MSANTD2: variants seen among roughly 807,000 people sequenced by gnomAD.
MSANTD2 encodes the protein Myb/SANT DNA binding domain containing 2.
A neutral mutation model predicts 52.6 loss-of-function variants in MSANTD2; 19 were observed. The ratio of observed to expected loss-of-function variants is 0.36; its 90% CI spans 0.25 to 0.53. The LOEUF (loss-of-function observed/expected upper bound fraction) is 0.53, where lower values mean the gene tolerates loss of function less well. Ranked by LOEUF, MSANTD2 falls within the 20% of genes least tolerant of loss-of-function variation. The pLI, the probability that MSANTD2 is intolerant of heterozygous loss-of-function variation, is 0.91. For missense variants in MSANTD2, 558 were observed against 716.3 expected (o/e 0.78, Z 2.52); for synonymous variants, 291 against 289.7 (o/e 1.00, Z -0.04).
At chr11:124,773,864 A>C (rs1264680055) in intron 2 of MSANTD2, among the ~76,000 whole-genome samples, 1 of 152,216 alleles carries the variant, frequency 6.6e-6, no homozygotes, top group Non-Finnish European at 1.5e-5. Flanking sequence ...AAGGGCTGGG[A>C]GCAAGAATAT....
intron 3 of MSANTD2, among the ~76,000 whole-genome samples, chr11:124,771,637 A>G (rs1944525716): frequency 6.6e-6 from 1 of 152,302 alleles, no homozygotes; most frequent in South Asian, 2.1e-4. Flanking sequence ...AGGCATGGTG[A>G]CGCGCCTGTA....
chr11:124,776,853 A>G (rs1247075702), intron 1 of MSANTD2, among the ~76,000 whole-genome samples: 3 of 152,220 alleles, frequency 2.0e-5, no homozygotes, highest in Admixed American at 1.3e-4. Flanking sequence ...GCCTCAAATG[A>G]TGCCTTAGAG....
chr11:124,784,482 ACCC>A (rs10547948), intron 1 of MSANTD2: 45 of 975,446 alleles, frequency 4.6e-5, no homozygotes, highest in South Asian at 3.3e-4. Context: ...TAAAAATTAA[ACCC>A]CCCCCCCGCC....
At chr11:124,782,223 G>A (rs1020976446) in intron 1 of MSANTD2, among the ~76,000 whole-genome samples, 1 of 152,008 alleles carries the variant, frequency 6.6e-6, no homozygotes, top group South Asian at 2.1e-4. Context: ...CAAGGCTGGA[G>A]GACGCTTCAA....
At chr11:124,780,661 T>C (rs1490624186) in intron 1 of MSANTD2, among the ~76,000 whole-genome samples, 3 of 152,224 alleles carry the variant, frequency 2.0e-5, no homozygotes, top group African/African-American at 7.2e-5. Flanking sequence ...CTCTGCATTA[T>C]GTAGTTCTTT....
intron 1 of MSANTD2, among the ~76,000 whole-genome samples, chr11:124,796,250 G>A (rs1945488065): frequency 2.0e-5 from 3 of 152,194 alleles, no homozygotes; most frequent in Admixed American, 6.5e-5. Context: ...GCTTTAAGGT[G>A]ATTCAGGAAG....
chr11:124,791,431 C>T (rs1945329515), intron 1 of MSANTD2: 2 of 1,315,836 alleles, frequency 1.5e-6, no homozygotes, highest in Admixed American at 1.7e-5. Context: ...GAGTGAGAAG[C>T]ACAGACTTCC....
At chr11:124,772,492 C>T (rs1430613287) in intron 3 of MSANTD2, among the ~76,000 whole-genome samples, 2 of 152,090 alleles carry the variant, frequency 1.3e-5, no homozygotes, top group Non-Finnish European at 2.9e-5. Context: ...AATCCCAGCA[C>T]TTTGGGAGGC....
At chr11:124,790,384 T>C (rs1176548907) in intron 1 of MSANTD2, 1 of 152,246 alleles carries the variant, frequency 6.6e-6, no homozygotes, top group Non-Finnish European at 1.5e-5. Flanking sequence ...AATACTGTTA[T>C]GGTCTTTGAC....
chr11:124,790,221 G>C (rs1479366322), intron 1 of MSANTD2: 4 of 152,206 alleles, frequency 2.6e-5, no homozygotes, highest in Admixed American at 2.6e-4. Flanking sequence ...GGGGGGGAAA[G>C]CAGGATAATC....
intron 1 of MSANTD2, chr11:124,789,921 C>G (rs1945276497): frequency 6.6e-6 from 1 of 152,224 alleles, no homozygotes; most frequent in Non-Finnish European, 1.5e-5. Flanking sequence ...ACATCAGAAA[C>G]AGAATTAAAT....
chr11:124,770,302 TTTTG>T (rs1555112802), intron 3 of MSANTD2, among the ~76,000 whole-genome samples: 16 of 139,306 alleles, frequency 1.1e-4, no homozygotes, highest in South Asian at 2.1e-4. Flanking sequence ...AACTCTTTTT[TTTTG>T]TTTGTTTGTT....
At position 124,781,266 on chromosome 11, in the gene MSANTD2, G is replaced by C. The variant is rs150576577; in HGVS notation, c.511-6292C>G. On this transcript the variant is annotated intron_variant, in intron 1 of 3. Coordinates refer to ENST00000374979, the MANE Select transcript of MSANTD2 (RefSeq NM_001308027.2). Reference sequence around the variant, plus strand: ...AATATAGCACTTCTTTCTACCTGCTGGGCAAGAAATCTTTTTTCTGAAGTA... The same window carrying C: ...AATATAGCACTTCTTTCTACCTGCTCGGCAAGAAATCTTTTTTCTGAAGTA... Among the ~76,000 whole-genome samples, 18 of 151,922 alleles carry C rather than the reference G, an allele frequency of 1.2e-4. No individual in the cohort carries two copies. The East Asian group carries it at 3.3e-3, about 28-fold the overall frequency.
Position 124,783,903 on chromosome 11 carries a change from A to C in MSANTD2, c.511-8929T>G, listed in dbSNP as rs111366952. 14 of 985,384 alleles carry C rather than the reference A, an allele frequency of 1.4e-5. No homozygotes were observed. The African/African-American group carries it at 1.6e-4, about 11-fold the overall frequency. The allele number at this position is 985,384 out of a possible 1,614,324, so 61.0% of individuals were successfully genotyped here. The stretch of plus-strand genomic sequence containing the variant: ...GTGTGCTTCTCATGGACACTCATAC[A>C]ATGATCTCAGATGAGCAGTAATACT... On this transcript the variant is annotated intron_variant, in intron 1 of 3. Coordinates refer to ENST00000374979, the MANE Select transcript of MSANTD2 (RefSeq NM_001308027.2).
chr11:124,767,478 GT>G lies in MSANTD2; in HGVS notation c.1377del (p.Gln460LysfsTer8). On this transcript the variant is annotated frameshift_variant, in exon 4 of 4. Transcript: ENST00000374979. LOFTEE classifies it high-confidence loss of function. The surrounding 1 kb of genome is among the most constrained non-coding windows in gnomAD (Gnocchi z 6.5). ...TCTATTTCCACCTGTAATGAGGCTT[GT>G]GCTGAAAGGGTTTCCAGGTCAACCC... ...EGRVDLETLS[A>X]QASLQVEIEP... 1 of 1,614,186 alleles carries G rather than the reference GT, an allele frequency of 6.2e-7. No homozygotes were observed. Among genetic ancestry groups the G allele is most frequent in the Non-Finnish European group, 8.5e-7 (1 of 1,180,038 alleles).
intron 1 of MSANTD2, among the ~76,000 whole-genome samples, chr11:124,782,908 T>C (rs1945031346): frequency 6.6e-6 from 1 of 152,238 alleles, no homozygotes; most frequent in South Asian, 2.1e-4. Context: ...TGAAACCTTT[T>C]GAAAATAGCT....
At chr11:124,770,855 C>T (rs1171399883) in intron 3 of MSANTD2, among the ~76,000 whole-genome samples, 1 of 151,104 alleles carries the variant, frequency 6.6e-6, no homozygotes, top group African/African-American at 2.4e-5. Flanking sequence ...GCCTCAGCCT[C>T]CCAAGTAGCT....
intron 1 of MSANTD2, chr11:124,791,572 C>T: frequency 1.5e-6 from 2 of 1,314,258 alleles, no homozygotes; most frequent in Admixed American, 1.8e-5. Flanking sequence ...TGACCCTGAG[C>T]TGCCAGTCTC....
At chr11:124,773,776 G>A (rs778078396) in intron 2 of MSANTD2, among the ~76,000 whole-genome samples, 14 of 152,122 alleles carry the variant, frequency 9.2e-5, no homozygotes. Flanking sequence ...CAGAGCCCAT[G>A]GACTTTTATC....
Sources: gnomAD v4.1 joint callset for allele counts (sites outside exome capture counted in the v4.1 genomes callset) on GRCh38, gnomAD v4.1.1 for gene constraint, Gnocchi (gnomAD v3.1) non-coding constraint, MANE v1.5 for transcripts, NCBI Gene and HGNC (gene_info 2026-07-23, HGNC 2026-07-21) for gene names.